Variants in LINGO2 observed in about 807,000 individuals in gnomAD.
The protein encoded by LINGO2 is leucine rich repeat and Ig domain containing 2.
A neutral mutation model predicts 30.6 loss-of-function variants in LINGO2; 14 were observed. That is an observed-to-expected ratio of 0.46 (90% confidence interval 0.30 to 0.72). The LOEUF is 0.72. Among genes scored for constraint, LINGO2 ranks in the 30% least tolerant of loss-of-function variants. The pLI is 0.07. For missense variants in LINGO2, 729 were observed against 751.7 expected (o/e 0.97, Z 0.35); for synonymous variants, 317 against 288.5 (o/e 1.10, Z -1.00).
At chr9:28,761,931 T>C in the LINGO2 span, among the ~76,000 whole-genome samples, 6 of 152,036 alleles carry the variant, frequency 3.9e-5, no homozygotes, top group East Asian at 9.7e-4. Flanking sequence ...TTTCATTCTA[T>C]CTTTGCCTTC....
At chr9:29,055,936 G>GTATATATATATATATATACATATA in the LINGO2 span, among the ~76,000 whole-genome samples, 864 of 121,798 alleles carry the variant, frequency 7.1e-3, 27 homozygotes, top group African/African-American at 0.026. Flanking sequence ...GTGTATGTGT[G>GTATATATATATATATATACATATA]TGTGTATATA....
chr9:28,715,076 T>G, the LINGO2 span, among the ~76,000 whole-genome samples: 1 of 152,186 alleles, frequency 6.6e-6, no homozygotes, highest in Admixed American at 6.5e-5. Context: ...TACTGTAACC[T>G]GACTAAACAA....
the LINGO2 span, among the ~76,000 whole-genome samples, chr9:29,025,513 C>A: frequency 6.6e-6 from 1 of 152,098 alleles, no homozygotes; most frequent in African/African-American, 2.4e-5. Context: ...AAGAGCCCTG[C>A]AGATACTTCT....
the LINGO2 span, among the ~76,000 whole-genome samples, chr9:28,994,993 G>A: frequency 1.3e-5 from 2 of 151,866 alleles, no homozygotes; most frequent in African/African-American, 4.8e-5. Context: ...CAAAAGCAAT[G>A]GCAACAAAAG....
At chr9:28,787,206 A>T in the LINGO2 span, among the ~76,000 whole-genome samples, 2 of 152,160 alleles carry the variant, frequency 1.3e-5, no homozygotes, top group African/African-American at 2.4e-5. Flanking sequence ...TCCATCCAGT[A>T]CTATTTGTTT....
At chr9:28,522,415 G>A (rs955429316) in intron 1 of LINGO2, among the ~76,000 whole-genome samples, 1 of 152,104 alleles carries the variant, frequency 6.6e-6, no homozygotes, top group Non-Finnish European at 1.5e-5. Flanking sequence ...TGCGAGGGGA[G>A]TACAGAGCTA....
At chr9:28,531,528 G>T (rs908432581) in intron 1 of LINGO2, among the ~76,000 whole-genome samples, 1 of 151,872 alleles carries the variant, frequency 6.6e-6, no homozygotes, top group African/African-American at 2.4e-5. Flanking sequence ...TACTCTACTA[G>T]AATTTTACAT....
the LINGO2 span, among the ~76,000 whole-genome samples, chr9:29,202,164 A>G: frequency 6.1e-3 from 925 of 152,004 alleles, 7 homozygotes; most frequent in African/African-American, 0.02. Context: ...GGAAAGATAA[A>G]TAGGCCAATG....
chr9:28,874,051 A>G, the LINGO2 span, among the ~76,000 whole-genome samples: 1 of 152,076 alleles, frequency 6.6e-6, no homozygotes, highest in African/African-American at 2.4e-5. Flanking sequence ...GCTTGACTTA[A>G]ACAATTAAAA....
intron 4 of LINGO2, among the ~76,000 whole-genome samples, chr9:28,196,250 C>G (rs1314070566): frequency 6.6e-6 from 1 of 151,304 alleles, no homozygotes; most frequent in Non-Finnish European, 1.5e-5. Flanking sequence ...TTAATATTGA[C>G]CTAGTGGTAC....
Position 28,479,910 on chromosome 9 carries a change from GGT to G in LINGO2, c.-364-3887_-364-3886del, listed in dbSNP as rs1491239518. Among the ~76,000 whole-genome samples the G allele has an allele frequency of 2.7e-3, 46 of 17,232 alleles. 2 individuals carry two copies. Among genetic ancestry groups the G allele is most frequent in the African/African-American group, 5.5e-3 (34 of 6,136 alleles). The allele number at this position is 17,232 out of a possible 152,430, so 11.3% of individuals were successfully genotyped here. A position where few individuals can be genotyped will look rare whatever the true frequency, so the allele number is the denominator to read the frequency against. On this transcript the variant is annotated intron_variant, in intron 1 of 5. Coordinates refer to ENST00000379992, the Ensembl canonical transcript of LINGO2. The stretch of plus-strand genomic sequence containing the variant: ...ATGTGTGTATGTGTATATATACGTA[GGT>G]ATATATATATATATATATATATATA...
intron 4 of LINGO2, among the ~76,000 whole-genome samples, chr9:28,217,854 G>C (rs911914713): frequency 6.6e-6 from 1 of 151,634 alleles, no homozygotes; most frequent in African/African-American, 2.4e-5. Context: ...CAAAAAGTGG[G>C]GTATATTATT....
the LINGO2 span, among the ~76,000 whole-genome samples, chr9:29,062,490 A>T: frequency 6.6e-6 from 1 of 152,122 alleles, no homozygotes; most frequent in Non-Finnish European, 1.5e-5. Flanking sequence ...CATATACAAT[A>T]GGATAAAATT....
the LINGO2 span, among the ~76,000 whole-genome samples, chr9:28,981,916 A>C: frequency 6.6e-6 from 1 of 152,192 alleles, no homozygotes; most frequent in South Asian, 2.1e-4. Context: ...AAATTTGGAA[A>C]CCCAGATGTG....
chr9:29,148,312 T>C, the LINGO2 span, among the ~76,000 whole-genome samples: 15 of 152,292 alleles, frequency 9.8e-5, no homozygotes, highest in South Asian at 2.7e-3. Context: ...GTTAATATGT[T>C]TGAAGTATCT....
the LINGO2 span, among the ~76,000 whole-genome samples, chr9:28,902,256 G>A: frequency 6.6e-6 from 1 of 152,064 alleles, no homozygotes; most frequent in South Asian, 2.1e-4. Context: ...AAGAGAGCAG[G>A]TATAGCTATG....
At chr9:29,209,936 T>C in the LINGO2 span, among the ~76,000 whole-genome samples, 1 of 152,140 alleles carries the variant, frequency 6.6e-6, no homozygotes, top group Non-Finnish European at 1.5e-5. Context: ...TCTTTGCATA[T>C]AGTGACCTCC....
the LINGO2 span, among the ~76,000 whole-genome samples, chr9:28,834,372 C>T: frequency 2.0e-5 from 3 of 151,996 alleles, no homozygotes; most frequent in African/African-American, 7.3e-5. Context: ...TGTGAATTTC[C>T]ACATAGAGAT....
At chr9:28,632,867 T>TA (rs1446264430) in intron 1 of LINGO2, among the ~76,000 whole-genome samples, 6 of 109,126 alleles carry the variant, frequency 5.5e-5, no homozygotes, top group African/African-American at 2.3e-4. Flanking sequence ...TATATATATA[T>TA]ATATATATAT....
Sources: gnomAD v4.1 joint callset for allele counts (sites outside exome capture counted in the v4.1 genomes callset) on GRCh38, gnomAD v4.1.1 for gene constraint, MANE v1.5 for transcripts, NCBI Gene and HGNC (gene_info 2026-07-23, HGNC 2026-07-21) for gene names.